Variants in SENP2 observed in about 807,000 individuals in gnomAD.
SENP2 encodes SUMO specific peptidase 2.
In SENP2, 16 loss-of-function variants were observed where a neutral mutation model predicts 86.3. The ratio of observed to expected loss-of-function variants is 0.19; its 90% CI spans 0.13 to 0.28. The LOEUF is 0.28. SENP2 is among the 10% of genes least tolerant of loss of function. The pLI is 1.00. For missense variants in SENP2, 552 were observed against 703.0 expected (o/e 0.79, Z 2.43); for synonymous variants, 222 against 238.7 (o/e 0.93, Z 0.64).
At chr3:185,593,058 G>C (rs923167454) in intron 2 of SENP2, among the ~76,000 whole-genome samples, 1 of 152,136 alleles carries the variant, frequency 6.6e-6, no homozygotes, top group Admixed American at 6.6e-5. Context: ...TCAGCTCATC[G>C]AGTCTCAGTA....
intron 14 of SENP2, among the ~76,000 whole-genome samples, chr3:185,622,617 G>C (rs1166512317): frequency 6.6e-6 from 1 of 151,936 alleles, no homozygotes; most frequent in Non-Finnish European, 1.5e-5. Context: ...AAAATCATAA[G>C]ATACACCAAT....
intron 9 of SENP2, 68 bp downstream of exon 9, chr3:185,612,726 A>G: frequency 1.8e-6 from 2 of 1,137,864 alleles, no homozygotes; most frequent in Non-Finnish European, 2.6e-6. Context: ...AGCTGTATTT[A>G]TGAGTAAGCA....
chr3:185,606,284 T>G, intron 5 of SENP2, 46 bp from the exon 6 acceptor site: 1 of 1,532,860 alleles, frequency 6.5e-7, no homozygotes, highest in Non-Finnish European at 8.8e-7. Context: ...TCCAGCAATT[T>G]AAGCAGCTTG....
Position 185,630,093 on chromosome 3 carries a change from G to T in SENP2, c.*249G>T. The T allele has an allele frequency of 2.6e-6, 1 of 383,984 alleles. No individual in the cohort carries two copies. Among genetic ancestry groups the T allele is most frequent in the Non-Finnish European group, 4.8e-6 (1 of 209,806 alleles). The allele number at this position is 383,984 out of a possible 1,614,324, so 23.8% of individuals were successfully genotyped here. A position where few individuals can be genotyped will look rare whatever the true frequency, so the allele number is the denominator to read the frequency against. On this transcript the variant is annotated 3_prime_UTR_variant, in exon 17 of 17. Coordinates refer to ENST00000296257, the MANE Select transcript of SENP2 (RefSeq NM_021627.3). ...CTGTTCAACCCACACAAGAACAAAC[G>T]CTAACTAATATTTTTTTTAAGAGAT...
chr3:185,611,691 T>C lies in SENP2; in HGVS notation c.763T>C (p.Trp255Arg). 1 of 1,613,728 alleles carries C rather than the reference T, an allele frequency of 6.2e-7. No individual in the cohort carries two copies. The highest frequency in any genetic ancestry group is 1.1e-5 in the South Asian group (1 of 91,076). Residue 255 changes from tryptophan (W) to arginine (R), a missense_variant, in exon 8 of 17, where the codon TGG becomes CGG. By Grantham distance (101) the Trp-to-Arg change is moderately radical. Coordinates refer to ENST00000296257, the MANE Select transcript of SENP2 (RefSeq NM_021627.3). Reference protein sequence around the residue: ...SQMDTLKTKGWGEEQNHGVKT... With the variant: ...SQMDTLKTKGRGEEQNHGVKT... ...GATGGACACATTAAAGACCAAAGGC[T>C]GGGGGGAAGAGCAAAATCACGGAGT...
At chr3:185,629,739 C>T (rs753472594) in intron 16 of SENP2, 43 bp from the exon 17 acceptor site, 1 of 1,597,370 alleles carries the variant, frequency 6.3e-7, no homozygotes, top group South Asian at 1.1e-5. Context: ...CTGCCATGCA[C>T]ATTAATATGT....
chr3:185,624,985 A>G (rs1044193888), intron 15 of SENP2, among the ~76,000 whole-genome samples: 9 of 152,240 alleles, frequency 5.9e-5, no homozygotes, highest in African/African-American at 1.9e-4. Context: ...GGGAAATGGA[A>G]TAAAGAAAAC....
chr3:185,621,685 G>A (rs1248983533), intron 13 of SENP2, 141 bp from the exon 14 acceptor site: 1 of 500,250 alleles, frequency 2.0e-6, no homozygotes, highest in South Asian at 2.2e-5. Context: ...ACCATGCATG[G>A]CCCATAAATG....
Position 185,632,152 on chromosome 3 carries a change from G to A in SENP2, c.*2308G>A, listed in dbSNP as rs1302850801. ...TTTATTTGGATCTAAAAGTTTAAGT[G>A]TTCAGTTGAAAAACAGCTATTGATT... is the stretch of plus-strand genomic sequence containing the variant. On this transcript the variant is annotated 3_prime_UTR_variant, in exon 17 of 17. Coordinates refer to ENST00000296257, the MANE Select transcript of SENP2 (RefSeq NM_021627.3). 7.0e-6 allele frequency: 1 copy of A among 143,656 alleles called. No individual in the cohort carries two copies. Among genetic ancestry groups the A allele is most frequent in the East Asian group, 2.1e-4 (1 of 4,840 alleles). The allele number at this position is 143,656 out of a possible 1,614,324, so 8.9% of individuals were successfully genotyped here.
chr3:185,602,202 A>G (rs1239038312), intron 5 of SENP2, among the ~76,000 whole-genome samples: 3 of 152,180 alleles, frequency 2.0e-5, no homozygotes, highest in Non-Finnish European at 4.4e-5. Flanking sequence ...TCTTTATTCA[A>G]GTACTTGGTA....
Position 185,600,817 on chromosome 3 carries a change from T to TA in SENP2, c.412dup (p.Thr138AsnfsTer22). 6.2e-7 allele frequency: 1 copy of TA among 1,612,812 alleles called. No homozygotes were observed. The highest frequency in any genetic ancestry group is 8.5e-7 in the Non-Finnish European group (1 of 1,178,776). On this transcript the variant is annotated frameshift_variant, in exon 5 of 17. Coordinates refer to ENST00000296257, the MANE Select transcript of SENP2 (RefSeq NM_021627.3). Reference sequence around the variant, plus strand: ...ACTATCCAAAGATCAGAGTGACAGTTACCCGAGATCAGCCACGCAGAGTCC... The same window carrying TA: ...ACTATCCAAAGATCAGAGTGACAGTTAACCCGAGATCAGCCACGCAGAGTCC...
chr3:185,602,264 C>T (rs1722370649), intron 5 of SENP2, among the ~76,000 whole-genome samples: 1 of 152,070 alleles, frequency 6.6e-6, no homozygotes, highest in Admixed American at 6.6e-5. Context: ...AACTAGCGCC[C>T]TCTGGAATTG....
At chr3:185,588,212 C>T (rs1366720623) in intron 1 of SENP2, among the ~76,000 whole-genome samples, 37 of 151,752 alleles carry the variant, frequency 2.4e-4, no homozygotes, top group Non-Finnish European at 4.6e-4. Context: ...CGCCCGCCAC[C>T]ACGCCCAGCT....
intron 2 of SENP2, among the ~76,000 whole-genome samples, chr3:185,593,754 G>C (rs1296552033): frequency 7.1e-6 from 1 of 141,400 alleles, no homozygotes; most frequent in African/African-American, 2.7e-5. Context: ...TTGAGACGGA[G>C]TTTCTTTCTC....
At chr3:185,588,174 C>G (rs1486634415) in intron 1 of SENP2, among the ~76,000 whole-genome samples, 12 of 150,850 alleles carry the variant, frequency 8.0e-5, no homozygotes, top group Admixed American at 7.9e-4. Flanking sequence ...TCTCCTGCCT[C>G]AGCCTCCCGA....
intron 11 of SENP2, among the ~76,000 whole-genome samples, chr3:185,615,961 C>G (rs1034573410): frequency 5.9e-5 from 9 of 151,876 alleles, no homozygotes; most frequent in Non-Finnish European, 1.2e-4. Flanking sequence ...CTCCCAGGTT[C>G]AAGTGATTCT....
At chr3:185,596,162 C>T (rs1394102912) in intron 2 of SENP2, among the ~76,000 whole-genome samples, 1 of 152,002 alleles carries the variant, frequency 6.6e-6, no homozygotes, top group Non-Finnish European at 1.5e-5. Flanking sequence ...GACGGTTTCG[C>T]CATGATGGTC....
intron 16 of SENP2, 78 bp from the exon 17 acceptor site, chr3:185,629,704 T>A (rs1712327201): frequency 7.3e-7 from 1 of 1,377,174 alleles, no homozygotes; most frequent in South Asian, 1.2e-5. Context: ...CCTGCTTTAT[T>A]ACATGATTAC....
At chr3:185,601,041 CTTTTTTTT>C (rs11315344) in intron 5 of SENP2, among the ~76,000 whole-genome samples, 186 bp downstream of exon 5, 2 of 75,522 alleles carry the variant, frequency 2.6e-5, no homozygotes, top group Admixed American at 1.4e-4. Context: ...CTTTTCTTGT[CTTTTTTTT>C]TTTTTTTTTT....
Sources: gnomAD v4.1 joint callset for allele counts (sites outside exome capture counted in the v4.1 genomes callset) on GRCh38, gnomAD v4.1.1 for gene constraint, MANE v1.5 for transcripts, NCBI Gene and HGNC (gene_info 2026-07-23, HGNC 2026-07-21) for gene names.